Variants in NEMP2 observed in about 807,000 individuals in gnomAD.
NEMP2 encodes nuclear envelope integral membrane protein 2.
A neutral mutation model predicts 54.2 loss-of-function variants in NEMP2; 53 were observed. The observed-to-expected ratio is 0.98, with a 90% CI of 0.78 to 1.23. NEMP2 has a LOEUF of 1.23. Among genes scored for constraint, NEMP2 ranks in the 50% most tolerant of loss-of-function variants. The pLI is 0.00. For synonymous variants in NEMP2, 197 were observed against 190.3 expected (o/e 1.04, Z -0.29); for missense variants, 455 against 511.3 (o/e 0.89, Z 1.06).
At chr2:190,602,436 G>T in the NEMP2 span, among the ~76,000 whole-genome samples, 8 of 152,164 alleles carry the variant, frequency 5.3e-5, no homozygotes, top group Non-Finnish European at 1.2e-4. Context: ...ACACATTATG[G>T]CGGGTACCCA....
At chr2:190,487,000 G>A in the NEMP2 span, among the ~76,000 whole-genome samples, 6 of 152,156 alleles carry the variant, frequency 3.9e-5, no homozygotes, top group Non-Finnish European at 1.5e-5. Context: ...ATATAAAACT[G>A]GTAATGGGAC....
the NEMP2 span, among the ~76,000 whole-genome samples, chr2:190,615,204 G>T: frequency 6.6e-6 from 1 of 152,168 alleles, no homozygotes; most frequent in Non-Finnish European, 1.5e-5. The surrounding 1 kb of genome is among the most constrained non-coding windows in gnomAD (Gnocchi z 4.7). Flanking sequence ...AAATTCAGAT[G>T]CCAATCACAA....
rs1008728641 is a variant in NEMP2 at position 190,516,331 on chromosome 2, A to C, written c.666T>G (p.Ile222Met). The C allele has an allele frequency of 6.4e-7, 1 of 1,551,702 alleles. No homozygotes were observed. The highest frequency in any genetic ancestry group is 2.0e-5 in the Admixed American group (1 of 50,998). Residue 222 changes from isoleucine to methionine, a missense_variant, in exon 6 of 9, where the codon ATT (isoleucine) becomes ATG (methionine). Physicochemically the swap from Ile to Met is conservative, Grantham distance 10. Coordinates refer to ENST00000409150, the MANE Select transcript of NEMP2 (RefSeq NM_001142645.2). ...TCAGATCTTCCATCAACTGGCATACAATATAAACTGAGGCAAACCAACAAC... is the reference window on the plus strand; with the variant it reads ...TCAGATCTTCCATCAACTGGCATACCATATAAACTGAGGCAAACCAACAAC... ...MVGCWFASVY[I>M]VCQLMEDLKW... is the part of the protein sequence containing the mutation.
chr2:190,515,734 T>G (rs1280262216), intron 6 of NEMP2, among the ~76,000 whole-genome samples: 1 of 152,218 alleles, frequency 6.6e-6, no homozygotes, highest in African/African-American at 2.4e-5. Context: ...AGGAGAAAAT[T>G]GATTCTCTCA....
chr2:190,458,340 A>G, the NEMP2 span, among the ~76,000 whole-genome samples: 18 of 152,112 alleles, frequency 1.2e-4, no homozygotes, highest in Non-Finnish European at 2.4e-4. The surrounding 1 kb of genome is among the most constrained non-coding windows in gnomAD (Gnocchi z 5.3). Context: ...CCTCGTGAGA[A>G]GAGATTGGGG....
rs1328226654 is a variant in NEMP2, at chr2:190,514,511, G to A, written c.895C>T (p.Leu299Phe). 1 of 1,551,714 alleles carries A rather than the reference G, an allele frequency of 6.4e-7. No homozygotes were observed. Among genetic ancestry groups the A allele is most frequent in the Admixed American group, 2.0e-5 (1 of 51,008 alleles). ...VPQFAYAAII[L>F]LMSSWSLHYP... ...TGCAGACTCCAGGAGGACATGAGGA[G>A]GATTATGGCTGCATAGGCAAACTGA... Residue 299 changes from leucine to phenylalanine, a missense_variant, in exon 7 of 9, where the codon CTC (leucine) becomes TTC (phenylalanine). Transcript: ENST00000409150. This position sits in a 1 kb window ranked among gnomAD's most constrained non-coding sequence, Gnocchi z 5.7.
chr2:190,556,066 C>T, the NEMP2 span, among the ~76,000 whole-genome samples: 13 of 152,140 alleles, frequency 8.5e-5, 1 homozygote, highest in African/African-American at 2.7e-4. Context: ...AACATTGATG[C>T]GAAAATCCTC....
the NEMP2 span, among the ~76,000 whole-genome samples, chr2:190,449,533 G>T: frequency 4.6e-5 from 7 of 151,876 alleles, no homozygotes; most frequent in African/African-American, 1.5e-4. Context: ...AGTAATTCAT[G>T]CTGCTATAAA....
At chr2:190,638,024 GA>G in the NEMP2 span, among the ~76,000 whole-genome samples, 1 of 152,242 alleles carries the variant, frequency 6.6e-6, no homozygotes, top group South Asian at 2.1e-4. This position sits in a 1 kb window ranked among gnomAD's most constrained non-coding sequence, Gnocchi z 5.7. Flanking sequence ...AGAGGGAGGT[GA>G]AAGTAAGTGA....
At chr2:190,473,664 G>A in the NEMP2 span, among the ~76,000 whole-genome samples, 10 of 152,210 alleles carry the variant, frequency 6.6e-5, no homozygotes, top group Admixed American at 3.3e-4. Flanking sequence ...ACAGATCAAC[G>A]AGACAGAAAG....
chr2:190,437,687 G>A, the NEMP2 span: 6 of 1,136,916 alleles, frequency 5.3e-6, no homozygotes, highest in Non-Finnish European at 7.3e-6. This position sits in a 1 kb window ranked among gnomAD's most constrained non-coding sequence, Gnocchi z 5.9. Flanking sequence ...GAGTGGAAAT[G>A]GGGATTTCTG....
chr2:190,463,351 A>C, the NEMP2 span, among the ~76,000 whole-genome samples: 1 of 152,350 alleles, frequency 6.6e-6, no homozygotes, highest in South Asian at 2.1e-4. The surrounding 1 kb of genome is among the most constrained non-coding windows in gnomAD (Gnocchi z 4.4). Flanking sequence ...ATCAGTGATT[A>C]TGTAGAAATA....
chr2:190,596,470 G>T, the NEMP2 span, among the ~76,000 whole-genome samples: 1 of 152,180 alleles, frequency 6.6e-6, no homozygotes, highest in African/African-American at 2.4e-5. This position sits in a 1 kb window ranked among gnomAD's most constrained non-coding sequence, Gnocchi z 5.1. Flanking sequence ...ACAGAATAAG[G>T]TTTGCATGGA....
the NEMP2 span, chr2:190,436,023 G>A: frequency 1.3e-6 from 2 of 1,599,158 alleles, no homozygotes; most frequent in African/African-American, 1.3e-5. This position sits in a 1 kb window ranked among gnomAD's most constrained non-coding sequence, Gnocchi z 5.3. Context: ...GATGGTGGTG[G>A]TAAGCCATGG....
chr2:190,636,947 C>T, the NEMP2 span, among the ~76,000 whole-genome samples: 593 of 152,268 alleles, frequency 3.9e-3, 5 homozygotes, highest in African/African-American at 0.013. Flanking sequence ...TAAATCTTTT[C>T]GATGGCTCCC....
the NEMP2 span, among the ~76,000 whole-genome samples, chr2:190,555,325 C>A: frequency 6.6e-6 from 1 of 152,014 alleles, no homozygotes; most frequent in African/African-American, 2.4e-5. This position sits in a 1 kb window ranked among gnomAD's most constrained non-coding sequence, Gnocchi z 4.8. Flanking sequence ...ATGAGTTTGA[C>A]AAATTGACAG....
chr2:190,606,125 G>A, the NEMP2 span, among the ~76,000 whole-genome samples: 12 of 152,168 alleles, frequency 7.9e-5, no homozygotes, highest in African/African-American at 1.9e-4. Flanking sequence ...AGCTAAGGCC[G>A]GACCAAAATA....
chr2:190,522,285 T>C lies in NEMP2; in HGVS notation c.213+2978A>G, dbSNP rs868664107. ...CTGATTGGGTACTATGGTCACTAGT[T>C]GGGGGATGGGTTCAGTAGAGCCCAA... On this transcript the variant is annotated intron_variant, in intron 2 of 8. Transcript: ENST00000409150. This position sits in a 1 kb window ranked among gnomAD's most constrained non-coding sequence, Gnocchi z 5.0. Among the ~76,000 whole-genome samples the C allele has an allele frequency of 1.2e-4, 19 of 152,170 alleles. No homozygotes were observed. The highest frequency in any genetic ancestry group is 3.4e-3 in the Middle Eastern group (1 of 294).
chr2:190,606,973 G>A, the NEMP2 span, among the ~76,000 whole-genome samples: 3 of 152,168 alleles, frequency 2.0e-5, no homozygotes, highest in African/African-American at 7.2e-5. Flanking sequence ...CGGGAATGCA[G>A]GGAGGAAGAC....
Sources: allele counts gnomAD v4.1 joint callset (sites outside exome capture counted in the v4.1 genomes callset), GRCh38; gene constraint gnomAD v4.1.1; non-coding constraint Gnocchi (gnomAD v3.1); transcripts MANE v1.5; gene names NCBI Gene and HGNC (gene_info 2026-07-23, HGNC 2026-07-21).